The following MLC1 variants were observed in gnomAD, a reference collection of about 807,000 sequenced individuals.
The protein encoded by MLC1 is membrane protein MLC1.
A neutral mutation model predicts 44.7 loss-of-function variants in MLC1; 32 were observed. The ratio of observed to expected loss-of-function variants is 0.72; its 90% CI spans 0.54 to 0.96. MLC1 has a LOEUF of 0.96. Ranked by LOEUF, MLC1 falls within the 40% of genes least tolerant of loss-of-function variation. MLC1 has a pLI of 0.00. For synonymous variants in MLC1, 190 were observed against 213.0 expected, an observed-to-expected ratio of 0.89 and a Z score of 0.94; for missense variants, 459 against 492.2, an observed-to-expected ratio of 0.93 and a Z score of 0.64.
At position 50,079,991 on chromosome 22, in the gene MLC1, G is replaced by A; in HGVS notation, c.350C>T (p.Ser117Phe). ...VIPNFQILFV[S>F]TFAVTTTCLI... ...ACACGTAGTGGTCACAGCAAACGTG[G>A]AAACAAACAATATCTGAAAGTTGGG... Residue 117 changes from serine to phenylalanine, a missense_variant, in exon 5 of 12, where the codon TCC becomes TTC. Physicochemically the swap from Ser to Phe is radical, Grantham distance 155. Coordinates refer to ENST00000311597, the MANE Select transcript of MLC1 (RefSeq NM_015166.4). The A allele has an allele frequency of 6.2e-7, 1 of 1,614,068 alleles. No homozygotes were observed. Among genetic ancestry groups the A allele is most frequent in the South Asian group, 1.1e-5 (1 of 91,070 alleles).
chr22:50,080,238 G>T (rs1229044282), intron 4 of MLC1, 106 bp downstream of exon 4: 2 of 1,419,052 alleles, frequency 1.4e-6, no homozygotes, highest in African/African-American at 1.4e-5. Context: ...CCCTCTCGGT[G>T]CCACAACGTC....
chr22:50,080,127 A>T lies in MLC1; in HGVS notation c.322-108T>A, dbSNP rs1281436248. On this transcript the variant is annotated intron_variant, in intron 4 of 11. Transcript: ENST00000311597. ...CACTAAAAATTATCCTGATTAGGAC[A>T]TAATGGTGGGGAGTCCTGCGTGCTC... 2.1e-4 allele frequency: 218 copies of T among 1,039,168 alleles called. 2 individuals are homozygous for T. Among genetic ancestry groups the T allele is most frequent in the Non-Finnish European group, 7.4e-6 (5 of 680,198 alleles). The allele number at this position is 1,039,168 out of a possible 1,614,324, so 64.4% of individuals were successfully genotyped here.
intron 11 of MLC1, among the ~76,000 whole-genome samples, chr22:50,062,248 C>CCCCTGGGCCCCAGCCGT (rs2061582938): frequency 7.5e-6 from 1 of 133,634 alleles, no homozygotes; most frequent in Non-Finnish European, 1.6e-5. Context: ...GCCCCAACCG[C>CCCCTGGGCCCCAGCCGT]CCACCCTGAG....
At position 50,061,338 on chromosome 22, in the gene MLC1, G is replaced by A; in HGVS notation, c.*245C>T. On this transcript the variant is annotated 3_prime_UTR_variant, in exon 12 of 12. Coordinates refer to ENST00000311597, the MANE Select transcript of MLC1 (RefSeq NM_015166.4). The stretch of plus-strand genomic sequence containing the variant: ...CCTCGGCCTGGGAAGTTGCGGCCAT[G>A]CTCCTGCTGTTACGACACGGGAGCC... The A allele has an allele frequency of 7.1e-6, 4 of 562,898 alleles. No individual in the cohort carries two copies. In the South Asian group the frequency reaches 7.9e-5, roughly 11 times the overall value. The allele number at this position is 562,898 out of a possible 1,614,324, so 34.9% of individuals were successfully genotyped here. A position where few individuals can be genotyped will look rare whatever the true frequency, so the allele number is the denominator to read the frequency against.
Position 50,068,580 on chromosome 22 carries a change from G to A in MLC1, c.772-25C>T, listed in dbSNP as rs201198833. ...CCTGGAAAAAAAGCGCGGGTTGCAG[G>A]ACCACGGCCGGAGCCTGGGAGCCCA... On this transcript the variant is annotated intron_variant, in intron 9 of 11. Transcript: ENST00000311597. 4.2e-3 allele frequency: 5,900 copies of A among 1,394,398 alleles called. 17 individuals are homozygous for A. Among genetic ancestry groups the A allele is most frequent in the Non-Finnish European group, 4.5e-3 (4,740 of 1,043,370 alleles). 86.4% of individuals were successfully genotyped at this position (1,394,398 alleles called of 1,614,324 possible). A position where few individuals can be genotyped will look rare whatever the true frequency, so the allele number is the denominator to read the frequency against.
intron 10 of MLC1, among the ~76,000 whole-genome samples, chr22:50,066,279 G>A (rs543299237): frequency 1.3e-3 from 195 of 150,916 alleles, no homozygotes; most frequent in South Asian, 7.0e-3. Flanking sequence ...TGGGCGGATC[G>A]CTTCAGCCCA....
At chr22:50,079,500 C>CT (rs55760839) in intron 5 of MLC1, among the ~76,000 whole-genome samples, 2,179 of 75,754 alleles carry the variant, frequency 0.029, 173 homozygotes, top group African/African-American at 0.08. Flanking sequence ...GGATTTTTGT[C>CT]TTTTTTTTTT....
chr22:50,083,948 C>T lies in MLC1; in HGVS notation c.178-775G>A, dbSNP rs895651505. On this transcript the variant is annotated intron_variant, in intron 2 of 11. Transcript: ENST00000311597. The surrounding 1 kb of genome is among the most constrained non-coding windows in gnomAD (Gnocchi z 4.6). ...CGGGAGCCGCCTCTGTCCCCAGCTC[C>T]GAGGCAGACGCCTGTCTTGGTGGGG... 6.6e-6 allele frequency among the ~76,000 whole-genome samples: 1 copy of T among 152,004 alleles called. No homozygotes were observed. Among genetic ancestry groups the T allele is most frequent in the African/African-American group, 2.4e-5 (1 of 41,380 alleles).
intron 11 of MLC1, among the ~76,000 whole-genome samples, 199 bp downstream of exon 11, chr22:50,063,835 C>CT (rs2061634430): frequency 8.3e-6 from 1 of 120,070 alleles, no homozygotes; most frequent in African/African-American, 3.1e-5. Context: ...CTCACCTCCC[C>CT]GGCTGGGCAC....
chr22:50,071,280 C>T (rs1438174408), intron 8 of MLC1, among the ~76,000 whole-genome samples: 1 of 151,978 alleles, frequency 6.6e-6, no homozygotes, highest in African/African-American at 2.4e-5. Context: ...TTAGTAGAGA[C>T]GGGGTTTCGC....
intron 7 of MLC1, among the ~76,000 whole-genome samples, chr22:50,075,691 C>G (rs1301535170): frequency 1.3e-5 from 2 of 150,060 alleles, no homozygotes; most frequent in African/African-American, 2.5e-5. Flanking sequence ...GCCTGGGCAA[C>G]AGCAGGACTC....
intron 8 of MLC1, among the ~76,000 whole-genome samples, chr22:50,072,404 G>A (rs529688206): frequency 1.6e-4 from 24 of 152,348 alleles, no homozygotes; most frequent in Admixed American, 3.3e-4. Context: ...GGTGGAGCTG[G>A]GTCCCTCACC....
chr22:50,077,027 A>G (rs1602037066), intron 6 of MLC1, 115 bp from the exon 7 acceptor site: 2 of 1,072,408 alleles, frequency 1.9e-6, no homozygotes, highest in East Asian at 2.4e-5. Context: ...TAGATGCGAG[A>G]CCGCCTTGGA....
intron 4 of MLC1, 126 bp downstream of exon 4, chr22:50,080,217 AC>A (rs1375762921): frequency 7.7e-7 from 1 of 1,300,022 alleles, no homozygotes; most frequent in Non-Finnish European, 1.1e-6. Flanking sequence ...CTGGGGGGCA[AC>A]CTCGGGGGCC....
At chr22:50,069,515 G>A (rs546713680) in intron 9 of MLC1, among the ~76,000 whole-genome samples, 19 of 151,196 alleles carry the variant, frequency 1.3e-4, no homozygotes, top group Non-Finnish European at 2.2e-4. Context: ...GTGTGGTGGC[G>A]CATGCCTGTA....
Position 50,085,232 on chromosome 22 carries a change from G to A in MLC1, c.-60+123C>T, listed in dbSNP as rs1426629925. The stretch of plus-strand genomic sequence containing the variant: ...GGTGCAACACCTGACAACATCCATC[G>A]GCAACTTCGTCCATGAACACATCAC... On this transcript the variant is annotated intron_variant, in intron 1 of 11. Transcript: ENST00000311597. 36 of 1,232,236 alleles carry A rather than the reference G, an allele frequency of 2.9e-5. 2 individuals carry two copies. Among genetic ancestry groups the A allele is most frequent in the South Asian group, 2.9e-4 (18 of 61,794 alleles). 76.3% of individuals were successfully genotyped at this position (1,232,236 alleles called of 1,614,324 possible).
chr22:50,075,414 A>G (rs1180649656), intron 7 of MLC1, among the ~76,000 whole-genome samples: 1 of 152,164 alleles, frequency 6.6e-6, no homozygotes, highest in Non-Finnish European at 1.5e-5. Context: ...AGATGCACAA[A>G]TAAAGCTGAA....
intron 10 of MLC1, among the ~76,000 whole-genome samples, chr22:50,066,674 G>A (rs2061709260): frequency 6.7e-6 from 1 of 148,766 alleles, no homozygotes; most frequent in African/African-American, 2.5e-5. Context: ...AAAAAAAAAT[G>A]GCAAGGTACA....
chr22:50,060,231 A>G lies in MLC1; in HGVS notation c.*1352T>C, dbSNP rs2061534876. 6.6e-6 allele frequency: 1 copy of G among 152,422 alleles called. No homozygotes were observed. The highest frequency in any genetic ancestry group is 1.5e-5 in the Non-Finnish European group (1 of 68,054). 9.4% of individuals were successfully genotyped at this position (152,422 alleles called of 1,614,324 possible). ...GGAAAGTAATTATCAAAGTAACAGC[A>G]TTCCAGTTTCACAGTCGCCCCAACT... On this transcript the variant is annotated 3_prime_UTR_variant, in exon 12 of 12. Coordinates refer to ENST00000311597, the MANE Select transcript of MLC1 (RefSeq NM_015166.4).
Sources: gnomAD v4.1 joint callset for allele counts (sites outside exome capture counted in the v4.1 genomes callset) on GRCh38, gnomAD v4.1.1 for gene constraint, Gnocchi (gnomAD v3.1) non-coding constraint, MANE v1.5 for transcripts, NCBI Gene and HGNC (gene_info 2026-07-23, HGNC 2026-07-21) for gene names.